NDNF: variants seen among roughly 807,000 people sequenced by gnomAD.
NDNF encodes the protein neuron derived neurotrophic factor, also known as protein NDNF.
A neutral mutation model predicts 42.0 loss-of-function variants in NDNF; 16 were observed. The ratio of observed to expected loss-of-function variants is 0.38; its 90% confidence interval spans 0.26 to 0.58. NDNF has a LOEUF of 0.58. Ranked by LOEUF, NDNF falls within the 20% of genes least tolerant of loss-of-function variation. The pLI, the probability that NDNF is intolerant of heterozygous loss-of-function variation, is 0.67. For missense variants in NDNF, 616 were observed against 666.2 expected, an observed-to-expected ratio of 0.92 and a Z score of 0.83; for synonymous variants, 248 against 251.7, an observed-to-expected ratio of 0.99 and a Z score of 0.14.
rs367619657 is a variant in NDNF, at chr4:121,039,991, C to T, written c.252G>A (p.Ala84=). ...PLSVTVTPCD[A]PLEWKLSLQE... is the part of the protein sequence containing the mutation. ...GGAGGCTCAGCTTCCACTCCAAAGG[C>T]GCATCACAGGGCGTCACTGTGACTG... Residue 84 remains alanine (A), a synonymous_variant, in exon 3 of 4, where the codon GCG becomes GCA. Coordinates refer to ENST00000379692, the MANE Select transcript of NDNF (RefSeq NM_024574.4). The T allele has an allele frequency of 3.8e-5, 62 of 1,614,026 alleles. No homozygotes were observed. Among genetic ancestry groups the T allele is most frequent in the East Asian group, 1.8e-4 (8 of 44,870 alleles).
At chr4:121,057,809 T>C (rs1229159756) in intron 1 of NDNF, among the ~76,000 whole-genome samples, 1 of 152,172 alleles carries the variant, frequency 6.6e-6, no homozygotes, top group Non-Finnish European at 1.5e-5. Context: ...TCCGGGGAAA[T>C]TCTTAATAGG....
At chr4:121,068,184 T>C (rs1727532703) in intron 1 of NDNF, among the ~76,000 whole-genome samples, 1 of 152,240 alleles carries the variant, frequency 6.6e-6, no homozygotes, top group Non-Finnish European at 1.5e-5. Context: ...GTATTTACTT[T>C]TTTTTTCTAG....
At chr4:121,071,581 G>GT (rs1271945130) in intron 1 of NDNF, 4 of 152,292 alleles carry the variant, frequency 2.6e-5, no homozygotes, top group African/African-American at 9.7e-5. Context: ...GGCGGGCAAA[G>GT]TAAGTGTCCA....
chr4:121,071,769 T>TAAAAA (rs369846490), intron 1 of NDNF: 99 of 143,046 alleles, frequency 6.9e-4, no homozygotes, highest in East Asian at 4.4e-3. Context: ...ACAACAACAA[T>TAAAAA]AAAAAAAAAA....
chr4:121,062,659 C>A (rs1727432434), intron 1 of NDNF, among the ~76,000 whole-genome samples: 2 of 152,280 alleles, frequency 1.3e-5, no homozygotes, highest in Non-Finnish European at 2.9e-5. Context: ...CCTTTCCCCC[C>A]CAAGGAAGTA....
chr4:121,048,878 T>C (rs1051363119), intron 1 of NDNF, among the ~76,000 whole-genome samples: 1 of 152,074 alleles, frequency 6.6e-6, no homozygotes, highest in African/African-American at 2.4e-5. Context: ...ATTAATAAAT[T>C]TTGTTGTATA....
chr4:121,045,935 G>T, intron 1 of NDNF, 97 bp from the exon 2 acceptor site: 1 of 1,084,358 alleles, frequency 9.2e-7, no homozygotes, highest in Non-Finnish European at 1.3e-6. Context: ...TAGCTTTGAT[G>T]GAAATTTAGG....
At chr4:121,057,027 G>A (rs1392158790) in intron 1 of NDNF, among the ~76,000 whole-genome samples, 5 of 152,318 alleles carry the variant, frequency 3.3e-5, no homozygotes, top group Admixed American at 6.5e-5. Context: ...GACGTGCTGC[G>A]AATGAGGCAG....
intron 1 of NDNF, among the ~76,000 whole-genome samples, chr4:121,056,617 C>T (rs1334525339): frequency 1.3e-5 from 2 of 152,188 alleles, no homozygotes; most frequent in African/African-American, 2.4e-5. Context: ...CATTCAGGCA[C>T]GACCTTGAAT....
At chr4:121,040,575 C>T (rs76403939) in intron 2 of NDNF, among the ~76,000 whole-genome samples, 133 of 152,342 alleles carry the variant, frequency 8.7e-4, no homozygotes, top group South Asian at 2.1e-3. Context: ...GTGTTTGTCT[C>T]TGGCAATATA....
chr4:121,039,272 A>T, intron 3 of NDNF, among the ~76,000 whole-genome samples: 1 of 144,604 alleles, frequency 6.9e-6, no homozygotes, highest in Non-Finnish European at 1.5e-5. Context: ...TTTGTAGGGC[A>T]CCCATTGTCA....
intron 2 of NDNF, among the ~76,000 whole-genome samples, chr4:121,040,312 G>A (rs1033439489): frequency 2.6e-5 from 4 of 152,070 alleles, no homozygotes; most frequent in Non-Finnish European, 4.4e-5. Flanking sequence ...CAAATACAGC[G>A]TGAAATAAAA....
chr4:121,055,394 A>G (rs1034520343), intron 1 of NDNF, among the ~76,000 whole-genome samples: 1 of 152,138 alleles, frequency 6.6e-6, no homozygotes, highest in Non-Finnish European at 1.5e-5. Context: ...GGTAAGTTGG[A>G]GGAAGGAAGT....
At chr4:121,064,078 C>T (rs530158635) in intron 1 of NDNF, among the ~76,000 whole-genome samples, 44 of 152,290 alleles carry the variant, frequency 2.9e-4, no homozygotes, top group African/African-American at 9.4e-4. Context: ...AACTTCTAAG[C>T]AAATTGTCCA....
chr4:121,051,923 C>A (rs1039522093), intron 1 of NDNF, among the ~76,000 whole-genome samples: 3 of 152,114 alleles, frequency 2.0e-5, no homozygotes, highest in Non-Finnish European at 2.9e-5. Context: ...CAAACAATTG[C>A]AAATCTGGTA....
intron 1 of NDNF, among the ~76,000 whole-genome samples, chr4:121,062,675 C>T (rs2390072): frequency 0.86 from 130,526 of 152,226 alleles, 56,124 homozygotes; most frequent in Non-Finnish European, 0.88. Context: ...AAGTAAGATA[C>T]ACAGTTAGGT....
At chr4:121,056,224 C>T (rs896633059) in intron 1 of NDNF, among the ~76,000 whole-genome samples, 7 of 152,008 alleles carry the variant, frequency 4.6e-5, no homozygotes, top group African/African-American at 1.4e-4. Flanking sequence ...CGGAATGTAG[C>T]GAACTACACA....
chr4:121,037,004 T>A lies in NDNF; in HGVS notation c.967A>T (p.Met323Leu). The A allele has an allele frequency of 6.2e-7, 1 of 1,614,046 alleles. No individual in the cohort carries two copies. Among genetic ancestry groups the A allele is most frequent in the Non-Finnish European group, 8.5e-7 (1 of 1,180,028 alleles). The change falls in exon 4 of 4, where the codon ATG (methionine) becomes TTG (leucine). Residue 323 changes from methionine to leucine, a missense_variant. By Grantham distance (15) the Met-to-Leu change is conservative. Coordinates refer to ENST00000379692, the MANE Select transcript of NDNF (RefSeq NM_024574.4). Reference protein sequence around the residue: ...DVFVVNINSNMSTAYVGTFAR... With the variant: ...DVFVVNINSNLSTAYVGTFAR... ...AAGGTACCTACATAAGCGGTGCTCA[T>A]GTTGCTGTTGATGTTGACCACAAAT...
intron 1 of NDNF, among the ~76,000 whole-genome samples, chr4:121,067,083 G>T (rs1425404283): frequency 6.6e-6 from 1 of 152,174 alleles, no homozygotes; most frequent in Non-Finnish European, 1.5e-5. Context: ...CCACGCTGTG[G>T]AGGCAGTGTC....
Sources: gnomAD v4.1 joint callset for allele counts (sites outside exome capture counted in the v4.1 genomes callset) on GRCh38, gnomAD v4.1.1 for gene constraint, MANE v1.5 for transcripts, NCBI Gene and HGNC (gene_info 2026-07-23, HGNC 2026-07-21) for gene names.